Variants in KLF12 observed in about 807,000 individuals in gnomAD.
KLF12 encodes the protein KLF transcription factor 12.
KLF12 carries 9 observed loss-of-function variants against 37.8 expected under a neutral mutation model. The ratio of observed to expected loss-of-function variants is 0.24; its 90% CI spans 0.14 to 0.42. The LOEUF is 0.42. Ranked by LOEUF, KLF12 falls within the 10% of genes least tolerant of loss-of-function variation. The probability of loss-of-function intolerance (pLI) is 1.00; values close to 1 mark genes in which losing one functional copy is unlikely to be tolerated. For missense variants in KLF12, 411 were observed against 516.0 expected (o/e 0.80, Z 1.97); for synonymous variants, 208 against 202.1 (o/e 1.03, Z -0.25).
chr13:73,887,174 C>G (rs558660629), intron 3 of KLF12, among the ~76,000 whole-genome samples: 1 of 152,082 alleles, frequency 6.6e-6, no homozygotes, highest in East Asian at 1.9e-4. Context: ...ATATAACTGC[C>G]TAATTTTAAT....
intron 6 of KLF12, among the ~76,000 whole-genome samples, chr13:73,746,366 A>G (rs1216798929): frequency 6.6e-6 from 1 of 152,224 alleles, no homozygotes; most frequent in African/African-American, 2.4e-5. Flanking sequence ...CCTGTGACAA[A>G]GAGGCAATGC....
intron 1 of KLF12, among the ~76,000 whole-genome samples, chr13:74,083,838 T>C (rs553796470): frequency 6.6e-6 from 1 of 152,304 alleles, no homozygotes; most frequent in African/African-American, 2.4e-5. Flanking sequence ...GTACAGAAAT[T>C]AAAATGCAAA....
At chr13:73,875,671 A>T (rs1303444385) in intron 3 of KLF12, among the ~76,000 whole-genome samples, 1 of 152,168 alleles carries the variant, frequency 6.6e-6, no homozygotes. Context: ...GCTTGACAAA[A>T]ATAATTGATA....
intron 3 of KLF12, among the ~76,000 whole-genome samples, chr13:73,925,896 T>C (rs1251413363): frequency 6.6e-6 from 1 of 152,144 alleles, no homozygotes; most frequent in East Asian, 1.9e-4. Flanking sequence ...GTGGTGGAAA[T>C]AGCAAGAGAA....
At chr13:74,215,427 C>CTTTTTTTTTTTTTTT in the KLF12 span, among the ~76,000 whole-genome samples, 1 of 60,380 alleles carries the variant, frequency 1.7e-5, no homozygotes, top group Non-Finnish European at 3.4e-5. Context: ...CCTCTGGGTT[C>CTTTTTTTTTTTTTTT]TTTTTTTTTT....
the KLF12 span, among the ~76,000 whole-genome samples, chr13:74,214,533 A>G: frequency 3.9e-5 from 6 of 152,306 alleles, no homozygotes; most frequent in African/African-American, 1.2e-4. Flanking sequence ...TTGGTTGGGA[A>G]CAGAATTTTA....
At chr13:73,707,672 G>C (rs548519118) in intron 7 of KLF12, among the ~76,000 whole-genome samples, 1 of 152,250 alleles carries the variant, frequency 6.6e-6, no homozygotes, top group South Asian at 2.1e-4. Flanking sequence ...GTGAAGTCAT[G>C]AACAGCAGCA....
At chr13:74,267,964 A>C in the KLF12 span, among the ~76,000 whole-genome samples, 1 of 152,180 alleles carries the variant, frequency 6.6e-6, no homozygotes, top group African/African-American at 2.4e-5. Context: ...CAAAAGCCAA[A>C]GGATACCTGG....
intron 5 of KLF12, among the ~76,000 whole-genome samples, chr13:73,790,142 A>G (rs1211266736): frequency 6.6e-6 from 1 of 152,226 alleles, no homozygotes; most frequent in African/African-American, 2.4e-5. Context: ...CTGTTCACAT[A>G]ACAGTACTTA....
chr13:73,778,427 T>G (rs1370078845), intron 5 of KLF12, among the ~76,000 whole-genome samples: 1 of 152,092 alleles, frequency 6.6e-6, no homozygotes, highest in Non-Finnish European at 1.5e-5. Context: ...CGTGGTGCAA[T>G]CACGGCTCTG....
the KLF12 span, among the ~76,000 whole-genome samples, chr13:74,252,916 C>T: frequency 6.6e-6 from 1 of 152,150 alleles, no homozygotes. Context: ...TCTAGATTAT[C>T]CCTATGTATA....
At chr13:74,155,496 G>C in the KLF12 span, among the ~76,000 whole-genome samples, 1 of 152,002 alleles carries the variant, frequency 6.6e-6, no homozygotes, top group Admixed American at 6.6e-5. Context: ...CAAGTAGCTA[G>C]GATTACAAGC....
chr13:74,122,519 T>C (rs562476260), intron 1 of KLF12, among the ~76,000 whole-genome samples: 1 of 152,156 alleles, frequency 6.6e-6, no homozygotes, highest in East Asian at 1.9e-4. Context: ...AATTGATACA[T>C]CTTGAATGGA....
At chr13:73,755,521 T>C (rs1034747890) in intron 6 of KLF12, among the ~76,000 whole-genome samples, 1 of 152,196 alleles carries the variant, frequency 6.6e-6, no homozygotes, top group Non-Finnish European at 1.5e-5. Context: ...ATGCTGGGCA[T>C]GTCAATGAAT....
chr13:73,986,097 T>C (rs980262006), intron 2 of KLF12, among the ~76,000 whole-genome samples: 1 of 152,190 alleles, frequency 6.6e-6, no homozygotes, highest in Non-Finnish European at 1.5e-5. Flanking sequence ...AGATTTCAGT[T>C]TTATCAGATA....
At chr13:74,149,433 G>A in the KLF12 span, among the ~76,000 whole-genome samples, 8 of 152,192 alleles carry the variant, frequency 5.3e-5, no homozygotes, top group South Asian at 1.7e-3. Flanking sequence ...AAAAAGCTTA[G>A]TATTATCTTT....
chr13:73,818,881 C>T (rs939211396), intron 4 of KLF12, among the ~76,000 whole-genome samples: 2 of 152,204 alleles, frequency 1.3e-5, no homozygotes, highest in Non-Finnish European at 2.9e-5. Flanking sequence ...TCTGCAGGTG[C>T]CCTAATTGTT....
intron 2 of KLF12, among the ~76,000 whole-genome samples, chr13:73,974,849 G>A (rs535493648): frequency 6.6e-6 from 1 of 152,286 alleles, no homozygotes; most frequent in East Asian, 1.9e-4. Flanking sequence ...ACATCAAACA[G>A]ATTTAAATGC....
the KLF12 span, among the ~76,000 whole-genome samples, chr13:74,283,259 C>T: frequency 1.3e-5 from 2 of 152,282 alleles, no homozygotes; most frequent in South Asian, 2.1e-4. Flanking sequence ...ATATTTTCAA[C>T]GTTTACTTCA....
Sources: allele counts gnomAD v4.1 joint callset (sites outside exome capture counted in the v4.1 genomes callset), GRCh38; gene constraint gnomAD v4.1.1; transcripts MANE v1.5; gene names NCBI Gene and HGNC (gene_info 2026-07-23, HGNC 2026-07-21).